The following HACE1 variants were observed in gnomAD, a reference collection of about 807,000 sequenced individuals.
HACE1 encodes the protein E3 ubiquitin-protein ligase HACE1.
A neutral mutation model predicts 118.4 loss-of-function variants in HACE1; 73 were observed. That is an observed-to-expected ratio of 0.62 (90% CI 0.51 to 0.75). The LOEUF (loss-of-function observed/expected upper bound fraction) is 0.75, where lower values mean the gene tolerates loss of function less well. Ranked by LOEUF, HACE1 falls within the 30% of genes least tolerant of loss-of-function variation. The pLI, the probability that HACE1 is intolerant of heterozygous loss-of-function variation, is 0.00. For synonymous variants in HACE1, 368 were observed against 374.8 expected, an observed-to-expected ratio of 0.98 and a Z score of 0.21; for missense variants, 749 against 1,102.2, an observed-to-expected ratio of 0.68 and a Z score of 4.54.
At chr6:104,847,647 T>C (rs562734284) in intron 4 of HACE1, among the ~76,000 whole-genome samples, 3 of 152,274 alleles carry the variant, frequency 2.0e-5, no homozygotes, top group African/African-American at 4.8e-5. Flanking sequence ...TGGCCTCGGA[T>C]TGATGTAATG....
At chr6:104,840,692 G>A (rs962354045) in intron 5 of HACE1, among the ~76,000 whole-genome samples, 3 of 152,060 alleles carry the variant, frequency 2.0e-5, no homozygotes, top group Admixed American at 6.6e-5. Flanking sequence ...GGCTGGGCGC[G>A]GTGGCTCACA....
intron 6 of HACE1, among the ~76,000 whole-genome samples, chr6:104,817,485 A>C (rs1425844111): frequency 1.3e-5 from 2 of 152,182 alleles, no homozygotes; most frequent in African/African-American, 4.8e-5. Flanking sequence ...GAGGCCTTCC[A>C]GTCATGTTTC....
chr6:104,737,055 G>A (rs575351798), intron 22 of HACE1, among the ~76,000 whole-genome samples: 281 of 151,764 alleles, frequency 1.9e-3, no homozygotes, highest in Admixed American at 4.1e-3. Context: ...AGGCCGAGGC[G>A]GGTGGATCAC....
At chr6:104,815,963 C>T (rs1236976293) in intron 6 of HACE1, among the ~76,000 whole-genome samples, 1 of 151,790 alleles carries the variant, frequency 6.6e-6, no homozygotes, top group Non-Finnish European at 1.5e-5. Flanking sequence ...ATTCCAGCTA[C>T]TCGGGGGGCT....
At chr6:104,839,996 A>T (rs1458316836) in intron 5 of HACE1, among the ~76,000 whole-genome samples, 1 of 152,104 alleles carries the variant, frequency 6.6e-6, no homozygotes, top group Non-Finnish European at 1.5e-5. Flanking sequence ...ACAGAGCGAG[A>T]CTCTGTCTCA....
At chr6:104,746,459 A>G (rs759690027) in intron 20 of HACE1, among the ~76,000 whole-genome samples, 1 of 152,116 alleles carries the variant, frequency 6.6e-6, no homozygotes, top group Non-Finnish European at 1.5e-5. Flanking sequence ...GGAGCCTGGG[A>G]AACATAGGCA....
chr6:104,748,209 A>G (rs1777645865), intron 20 of HACE1, among the ~76,000 whole-genome samples: 2 of 151,844 alleles, frequency 1.3e-5, no homozygotes, highest in Admixed American at 1.3e-4. Flanking sequence ...AAAGACTCTT[A>G]TAAAAGAATT....
chr6:104,853,546 T>C (rs1333884578), intron 1 of HACE1, among the ~76,000 whole-genome samples: 1 of 152,112 alleles, frequency 6.6e-6, no homozygotes, highest in Non-Finnish European at 1.5e-5. Flanking sequence ...ACTCAGCCCT[T>C]TAAAAGTTAA....
intron 6 of HACE1, among the ~76,000 whole-genome samples, chr6:104,817,147 C>T (rs2114998329): frequency 6.6e-6 from 1 of 152,198 alleles, no homozygotes; most frequent in African/African-American, 2.4e-5. Flanking sequence ...TTAGTTAAGA[C>T]TGGAGGACTG....
chr6:104,822,667 G>A (rs1024495524), intron 6 of HACE1, among the ~76,000 whole-genome samples: 12 of 151,770 alleles, frequency 7.9e-5, no homozygotes, highest in African/African-American at 2.9e-4. Flanking sequence ...GACCAGCCTG[G>A]CCAACATAAT....
chr6:104,779,317 C>T (rs1484634212), intron 14 of HACE1, among the ~76,000 whole-genome samples: 2 of 152,146 alleles, frequency 1.3e-5, no homozygotes, highest in African/African-American at 4.8e-5. Flanking sequence ...ATTTCTTCAT[C>T]TGAGCTAAAT....
At chr6:104,855,444 GA>G (rs1343877831) in intron 1 of HACE1, among the ~76,000 whole-genome samples, 2 of 147,206 alleles carry the variant, frequency 1.4e-5, no homozygotes, top group Non-Finnish European at 3.0e-5. Flanking sequence ...CTCCATCTCG[GA>G]AAAAAAAATA....
chr6:104,732,332 T>TTATTATTTAGCCAAGGGAG (rs1239776541), intron 22 of HACE1: 1 of 152,174 alleles, frequency 6.6e-6, no homozygotes, highest in Admixed American at 6.5e-5. Context: ...GATGGCTGGA[T>TTATTATTTAGCCAAGGGAG]TATTATTTAG....
chr6:104,817,051 T>C (rs965761901), intron 6 of HACE1, among the ~76,000 whole-genome samples: 2 of 152,206 alleles, frequency 1.3e-5, no homozygotes, highest in African/African-American at 4.8e-5. Flanking sequence ...ACTAACTTGT[T>C]TTTGATTTTA....
Position 104,859,902 on chromosome 6 carries a change from G to T in HACE1, c.-260C>A. ...CAGCCCCCGCCGCCGCGTCCCTCCC[G>T]GGCTCGCGTGGCCTTCTGGGAACTG... is the stretch of plus-strand genomic sequence containing the variant. On this transcript the variant is annotated 5_prime_UTR_variant, in exon 1 of 24. Coordinates refer to ENST00000262903, the MANE Select transcript of HACE1 (RefSeq NM_020771.4). The T allele has an allele frequency of 2.2e-6, 1 of 460,434 alleles. No individual in the cohort carries two copies. Among genetic ancestry groups the T allele is most frequent in the Admixed American group, 4.6e-5 (1 of 21,552 alleles). 28.5% of individuals were successfully genotyped at this position (460,434 alleles called of 1,614,324 possible).
intron 14 of HACE1, among the ~76,000 whole-genome samples, chr6:104,780,629 C>A (rs986230749): frequency 3.3e-5 from 5 of 151,984 alleles, no homozygotes; most frequent in African/African-American, 1.2e-4. Context: ...AATGTCCAGT[C>A]CCCTATAAAC....
chr6:104,809,112 T>A (rs760350466), intron 7 of HACE1, among the ~76,000 whole-genome samples: 1 of 152,232 alleles, frequency 6.6e-6, no homozygotes, highest in African/African-American at 2.4e-5. Context: ...ATATTTTTCA[T>A]AGTGATGCAT....
intron 6 of HACE1, among the ~76,000 whole-genome samples, chr6:104,823,914 G>A (rs965105046): frequency 3.9e-5 from 6 of 152,140 alleles, no homozygotes; most frequent in Admixed American, 1.3e-4. Context: ...ACAGTTTTAA[G>A]AAACTCTCCA....
chr6:104,858,395 A>AT, intron 1 of HACE1: 1 of 258,888 alleles, frequency 3.9e-6, no homozygotes, highest in Non-Finnish European at 7.8e-6. Context: ...ACTAGAGACC[A>AT]TTTTTTCAAG....
Sources: allele counts gnomAD v4.1 joint callset (sites outside exome capture counted in the v4.1 genomes callset), GRCh38; gene constraint gnomAD v4.1.1; transcripts MANE v1.5; gene names NCBI Gene and HGNC (gene_info 2026-07-23, HGNC 2026-07-21).